Variants in PRKCQ observed in about 807,000 individuals in gnomAD.
The protein encoded by PRKCQ is protein kinase C theta type.
A neutral mutation model predicts 91.2 loss-of-function variants in PRKCQ; 41 were observed. That is an observed-to-expected ratio of 0.45 (90% confidence interval 0.35 to 0.58). The LOEUF is 0.58. PRKCQ is among the 20% of genes least tolerant of loss of function. The pLI is 0.00. For synonymous variants in PRKCQ, 307 were observed against 316.9 expected (o/e 0.97, Z 0.33); for missense variants, 673 against 896.5 (o/e 0.75, Z 3.18).
the PRKCQ span, among the ~76,000 whole-genome samples, chr10:6,420,151 G>C: frequency 6.6e-6 from 1 of 152,238 alleles, no homozygotes; most frequent in East Asian, 1.9e-4. Context: ...ACCACACCTG[G>C]CTAATTTTTG....
intron 1 of PRKCQ, among the ~76,000 whole-genome samples, chr10:6,520,512 T>C (rs1461891431): frequency 1.3e-5 from 2 of 152,192 alleles, no homozygotes; most frequent in Non-Finnish European, 2.9e-5. Flanking sequence ...GTGCCATGTG[T>C]TTCACAGCTT....
intron 8 of PRKCQ, among the ~76,000 whole-genome samples, chr10:6,486,887 G>A (rs1310335905): frequency 6.6e-6 from 1 of 152,142 alleles, no homozygotes; most frequent in East Asian, 1.9e-4. Flanking sequence ...GAGCCGGAGT[G>A]TATATGTGGG....
At chr10:6,488,869 C>T (rs989074267) in intron 8 of PRKCQ, among the ~76,000 whole-genome samples, 1 of 152,072 alleles carries the variant, frequency 6.6e-6, no homozygotes, top group South Asian at 2.1e-4. Context: ...AGCCTCAAAC[C>T]CCTGGGTTCA....
At chr10:6,406,922 T>C in the PRKCQ span, among the ~76,000 whole-genome samples, 1 of 152,222 alleles carries the variant, frequency 6.6e-6, no homozygotes, top group East Asian at 1.9e-4. Context: ...TTCAGTATGA[T>C]GATTTAAGCA....
the PRKCQ span, among the ~76,000 whole-genome samples, chr10:6,404,571 TTC>T: frequency 3.9e-5 from 2 of 50,760 alleles, no homozygotes; most frequent in Non-Finnish European, 6.3e-5. Flanking sequence ...TCTTCCTTCT[TTC>T]TCTTTCTTTC....
chr10:6,535,152 A>C (rs1357891444), intron 1 of PRKCQ, among the ~76,000 whole-genome samples: 2 of 151,980 alleles, frequency 1.3e-5, no homozygotes, highest in Non-Finnish European at 2.9e-5. Context: ...CCACTACAAG[A>C]CCTCTCTGTT....
intron 11 of PRKCQ, among the ~76,000 whole-genome samples, chr10:6,481,431 C>T (rs1030760897): frequency 6.6e-6 from 1 of 152,174 alleles, no homozygotes. Context: ...GTTATAATTG[C>T]ACATTAATTG....
At chr10:6,508,151 G>C (rs1306117926) in intron 3 of PRKCQ, among the ~76,000 whole-genome samples, 1 of 152,212 alleles carries the variant, frequency 6.6e-6, no homozygotes, top group African/African-American at 2.4e-5. Context: ...GCGGAACAAA[G>C]TGTCATTTTA....
intron 4 of PRKCQ, among the ~76,000 whole-genome samples, chr10:6,505,264 T>C (rs758127649): frequency 2.0e-4 from 31 of 152,210 alleles, no homozygotes; most frequent in Non-Finnish European, 2.9e-4. Context: ...TTTTGCCCGA[T>C]TGAATTTGCT....
chr10:6,486,040 G>A lies in PRKCQ; in HGVS notation c.895C>T (p.Gln299Ter). 1 of 1,613,582 alleles carries A rather than the reference G, an allele frequency of 6.2e-7. No homozygotes were observed. The highest frequency in any genetic ancestry group is 1.7e-4 in the Middle Eastern group (1 of 5,842). Reference sequence around the variant, plus strand: ...TCCACGGCACATGCTCCTACCTGTTGAGTGCTCTCAATCATGGCCAGCGCT... The same window carrying A: ...TCCACGGCACATGCTCCTACCTGTTAAGTGCTCTCAATCATGGCCAGCGCT... ...AEALAMIEST[Q>*]QARCLRDTEQ... The change falls in exon 9 of 18, where the codon CAA (glutamine) becomes TAA (stop). Residue 299 changes from glutamine (Q) to a stop codon, truncating the protein, a stop_gained. Coordinates refer to ENST00000263125, the MANE Select transcript of PRKCQ (RefSeq NM_006257.5). LOFTEE classifies it high-confidence loss of function.
At chr10:6,553,869 C>T (rs1840307137) in intron 1 of PRKCQ, among the ~76,000 whole-genome samples, 1 of 151,930 alleles carries the variant, frequency 6.6e-6, no homozygotes. Flanking sequence ...GGAGGCAGGA[C>T]CTGAAATGTG....
intron 1 of PRKCQ, chr10:6,515,655 C>T (rs891869866): frequency 6.2e-6 from 2 of 323,274 alleles, no homozygotes; most frequent in Non-Finnish European, 8.9e-6. Flanking sequence ...TCCTTATTTA[C>T]TCTGGACATT....
chr10:6,425,582 T>C (rs1308659703), downstream of PRKCQ, among the ~76,000 whole-genome samples: 1 of 152,082 alleles, frequency 6.6e-6, no homozygotes, highest in African/African-American at 2.4e-5. Context: ...CCTGAAAGAA[T>C]AGAAGGAAGT....
rs1218920109 is a variant in PRKCQ at position 6,465,685 on chromosome 10, ATAG to A, written c.1354-1284_1354-1282del. 3.9e-5 allele frequency among the ~76,000 whole-genome samples: 6 copies of A among 152,218 alleles called. No homozygotes were observed. The highest frequency in any genetic ancestry group is 1.3e-4 in the Admixed American group (2 of 15,284). Reference sequence around the variant, plus strand: ...CCGAGGCCGTGGGGCATAGGAGGTAATAGTAGAAACATTGTTCTGGTCTGACAG... The same window carrying A: ...CCGAGGCCGTGGGGCATAGGAGGTAATAGAAACATTGTTCTGGTCTGACAG... On this transcript the variant is annotated intron_variant, in intron 12 of 17. Coordinates refer to ENST00000263125, the MANE Select transcript of PRKCQ (RefSeq NM_006257.5). The surrounding 1 kb of genome is among the most constrained non-coding windows in gnomAD (Gnocchi z 4.4).
At chr10:6,455,684 C>A (rs571844850) in intron 15 of PRKCQ, among the ~76,000 whole-genome samples, 2 of 152,314 alleles carry the variant, frequency 1.3e-5, no homozygotes, top group Admixed American at 6.5e-5. Flanking sequence ...CAAGATCACA[C>A]AAATCTACCC....
chr10:6,493,078 G>A (rs1205646020), intron 7 of PRKCQ, among the ~76,000 whole-genome samples: 4 of 152,182 alleles, frequency 2.6e-5, no homozygotes, highest in Non-Finnish European at 4.4e-5. Context: ...CAGGCTGGAA[G>A]GGGACCACTT....
chr10:6,506,575 C>T (rs1318183377), intron 4 of PRKCQ, among the ~76,000 whole-genome samples: 7 of 152,146 alleles, frequency 4.6e-5, no homozygotes, highest in African/African-American at 1.7e-4. Flanking sequence ...CACCATGCCT[C>T]AATATCATCA....
At chr10:6,450,059 A>G (rs1367782986) in intron 15 of PRKCQ, among the ~76,000 whole-genome samples, 3 of 150,168 alleles carry the variant, frequency 2.0e-5, no homozygotes, top group Non-Finnish European at 4.4e-5. Context: ...CATCATAATG[A>G]CAGGATCAAA....
At chr10:6,432,188 T>C in intron 16 of PRKCQ, among the ~76,000 whole-genome samples, 1 of 152,188 alleles carries the variant, frequency 6.6e-6, no homozygotes, top group Non-Finnish European at 1.5e-5. Flanking sequence ...CAGGAGGCTT[T>C]CCCAGGGACT....
Sources: allele counts gnomAD v4.1 joint callset (sites outside exome capture counted in the v4.1 genomes callset), GRCh38; gene constraint gnomAD v4.1.1; non-coding constraint Gnocchi (gnomAD v3.1); transcripts MANE v1.5; gene names NCBI Gene and HGNC (gene_info 2026-07-23, HGNC 2026-07-21).